The following COL5A1 variants were observed in gnomAD, a reference collection of about 807,000 sequenced individuals.
COL5A1 encodes the protein collagen type V alpha 1 chain.
Under a neutral mutation model 263.7 loss-of-function variants are expected in COL5A1, and 16 were observed. The observed-to-expected ratio is 0.06, with a 90% confidence interval of 0.04 to 0.09. The LOEUF is 0.09. COL5A1 is among the 10% of genes least tolerant of loss of function. COL5A1 has a pLI of 1.00. For missense variants in COL5A1, 2,036 were observed against 2,540.5 expected (o/e 0.80, Z 4.27); for synonymous variants, 1,012 against 1,004.5 (o/e 1.01, Z -0.14).
At position 134,809,253 on chromosome 9, in the gene COL5A1, C is replaced by A; in HGVS notation, c.3437C>A (p.Ala1146Asp). 3 of 1,608,944 alleles carry A rather than the reference C, an allele frequency of 1.9e-6. No homozygotes were observed. The highest frequency in any genetic ancestry group is 2.5e-6 in the Non-Finnish European group (3 of 1,178,166). Residue 1146 changes from alanine to aspartate, a missense_variant, in exon 43 of 66, where the codon GCT (alanine) becomes GAT (aspartate). Physicochemically the swap from Ala to Asp is moderately radical, Grantham distance 126. Coordinates refer to ENST00000371817, the MANE Select transcript of COL5A1 (RefSeq NM_000093.5). ...GGGCCTGTGGGGCTCCCGGGTCCAG[C>A]TGGCCCTGTGGGTCCCCCTGGAGAA... is the stretch of plus-strand genomic sequence containing the variant. Reference protein sequence around the residue: ...LQGPVGLPGPAGPVGPPGEDG... With the variant: ...LQGPVGLPGPDGPVGPPGEDG...
At chr9:134,688,333 G>A (rs1227111060) in intron 1 of COL5A1, among the ~76,000 whole-genome samples, 2 of 152,150 alleles carry the variant, frequency 1.3e-5, no homozygotes, top group African/African-American at 2.4e-5. Context: ...CCCCTGCCCC[G>A]GCCGCTGCCA....
intron 64 of COL5A1, chr9:134,830,298 C>CTT (rs1839554318): frequency 1.0e-6 from 1 of 963,006 alleles, no homozygotes; most frequent in Non-Finnish European, 1.6e-6. Context: ...AACCGCTCCA[C>CTT]ATCACGTGAC....
intron 32 of COL5A1, among the ~76,000 whole-genome samples, chr9:134,790,605 C>CCCAT (rs58733002): frequency 0.18 from 15,393 of 84,210 alleles, 1,719 homozygotes; most frequent in East Asian, 0.25. Flanking sequence ...CATCCACCCA[C>CCCAT]CCATCCATCC....
chr9:134,665,398 G>T (rs912122460), intron 1 of COL5A1, among the ~76,000 whole-genome samples: 1 of 152,190 alleles, frequency 6.6e-6, no homozygotes, highest in Non-Finnish European at 1.5e-5. Context: ...CATTTGCTGA[G>T]GTACACCAAT....
chr9:134,808,748 G>T (rs1486974576), intron 42 of COL5A1, among the ~76,000 whole-genome samples: 1 of 152,214 alleles, frequency 6.6e-6, no homozygotes, highest in African/African-American at 2.4e-5. Flanking sequence ...GTGTGTGCAG[G>T]GAGAGTGTCT....
At chr9:134,802,734 G>A (rs1838157971) in intron 38 of COL5A1, among the ~76,000 whole-genome samples, 154 bp from the exon 39 acceptor site, 1 of 152,214 alleles carries the variant, frequency 6.6e-6, no homozygotes, top group African/African-American at 2.4e-5. Flanking sequence ...ATTTTTGCCG[G>A]GAAGAGAAGG....
intron 1 of COL5A1, among the ~76,000 whole-genome samples, chr9:134,673,489 A>G (rs1308300115): frequency 6.6e-6 from 1 of 152,008 alleles, no homozygotes; most frequent in Non-Finnish European, 1.5e-5. Context: ...CTAAGATACA[A>G]TGGTGCTGAA....
intron 2 of COL5A1, among the ~76,000 whole-genome samples, chr9:134,692,527 G>C (rs1833321794): frequency 6.6e-6 from 1 of 152,198 alleles, no homozygotes; most frequent in South Asian, 2.1e-4. Context: ...GGCTGGTCCA[G>C]GGAAGGGCTT....
At chr9:134,672,855 G>A (rs779438634) in intron 1 of COL5A1, among the ~76,000 whole-genome samples, 3 of 152,094 alleles carry the variant, frequency 2.0e-5, no homozygotes, top group Admixed American at 6.5e-5. Context: ...AAAATTCATT[G>A]TATTTCTAGA....
rs1163816134 is a variant in COL5A1, at chr9:134,742,443, C to T, written c.1494+3635C>T. ...GTCCGGGTGGAGAAGGGGCTCGAACCATCATCCCATCCAGTTTCCCTCAGG... is the reference window on the plus strand; with the variant it reads ...GTCCGGGTGGAGAAGGGGCTCGAACTATCATCCCATCCAGTTTCCCTCAGG... On this transcript the variant is annotated intron_variant, in intron 11 of 65. Transcript: ENST00000371817. This position sits in a 1 kb window ranked among gnomAD's most constrained non-coding sequence, Gnocchi z 4.6. 1.3e-5 allele frequency among the ~76,000 whole-genome samples: 2 copies of T among 151,928 alleles called. No individual in the cohort carries two copies. The highest frequency in any genetic ancestry group is 4.8e-5 in the African/African-American group (2 of 41,342).
chr9:134,738,935 C>A, intron 11 of COL5A1, 127 bp downstream of exon 11: 1 of 779,798 alleles, frequency 1.3e-6, no homozygotes, highest in Admixed American at 1.9e-5. Context: ...TTCAAATCCC[C>A]CCTCACCCAG....
rs910477271 is a variant in COL5A1, at chr9:134,757,547, G to C, written c.1882-696G>C. 7.2e-5 allele frequency among the ~76,000 whole-genome samples: 11 copies of C among 152,202 alleles called. No individual in the cohort carries two copies. Among genetic ancestry groups the C allele is most frequent in the Non-Finnish European group, 1.5e-5 (1 of 68,036 alleles). On this transcript the variant is annotated intron_variant, in intron 17 of 65. Coordinates refer to ENST00000371817, the MANE Select transcript of COL5A1 (RefSeq NM_000093.5). The surrounding 1 kb of genome is among the most constrained non-coding windows in gnomAD (Gnocchi z 6.2). ...CTCTTAACGGGCGTGGATGAGCTCT[G>C]AAGTGCATCCCGTCAGTCCCAAGCT...
chr9:134,778,097 G>A (rs1053173857), intron 27 of COL5A1, among the ~76,000 whole-genome samples: 1 of 152,270 alleles, frequency 6.6e-6, no homozygotes, highest in African/African-American at 2.4e-5. Context: ...CTGAGGCGAT[G>A]CCACGCCGTG....
intron 11 of COL5A1, among the ~76,000 whole-genome samples, chr9:134,745,221 T>C (rs769224673): frequency 6.6e-6 from 1 of 152,210 alleles, no homozygotes; most frequent in Non-Finnish European, 1.5e-5. Flanking sequence ...TGAAGATTCA[T>C]TGGAGGGTAT....
intron 1 of COL5A1, among the ~76,000 whole-genome samples, chr9:134,685,127 C>A (rs1832983240): frequency 3.6e-4 from 1 of 2,794 alleles, no homozygotes; most frequent in Non-Finnish European, 7.6e-4. Context: ...TCCATCCATC[C>A]ATCCATCCAT....
chr9:134,786,073 C>T (rs778602655), intron 31 of COL5A1, 25 bp downstream of exon 31: 12 of 1,601,038 alleles, frequency 7.5e-6, no homozygotes, highest in Non-Finnish European at 1.0e-5. Context: ...TGTTAGGTGT[C>T]CCGGGACAGG....
intron 2 of COL5A1, among the ~76,000 whole-genome samples, chr9:134,699,471 C>T (rs375990153): frequency 2.0e-5 from 3 of 147,916 alleles, no homozygotes; most frequent in East Asian, 4.2e-4. Context: ...CTCTCTCCCT[C>T]CCTCCCCCTC....
chr9:134,729,579 T>A (rs1434215724), intron 6 of COL5A1, among the ~76,000 whole-genome samples: 159 of 91,436 alleles, frequency 1.7e-3, no homozygotes, highest in Middle Eastern at 7.2e-3. Flanking sequence ...TGAGCGTGTG[T>A]GAGCGTGTGT....
At position 134,812,457 on chromosome 9, in the gene COL5A1, A is replaced by G. The variant is rs534962289; in HGVS notation, c.3699A>G (p.Pro1233=). Residue 1233 remains proline (P), a synonymous_variant, in exon 47 of 66, where the codon CCA becomes CCG. Transcript: ENST00000371817. ...PPGPVGLQGL[P]GPPGEKGETG... ...AAGTTTCCTGTTCTCAGGGTTTGCCAGGACCTCCAGGCGAGAAGGGTGAGA... is the reference window on the plus strand; with the variant it reads ...AAGTTTCCTGTTCTCAGGGTTTGCCGGGACCTCCAGGCGAGAAGGGTGAGA... 3 of 1,614,086 alleles carry G rather than the reference A, an allele frequency of 1.9e-6. No homozygotes were observed. The highest frequency in any genetic ancestry group is 1.7e-5 in the Admixed American group (1 of 60,020).
Sources: allele counts gnomAD v4.1 joint callset (sites outside exome capture counted in the v4.1 genomes callset), GRCh38; gene constraint gnomAD v4.1.1; non-coding constraint Gnocchi (gnomAD v3.1); transcripts MANE v1.5; gene names NCBI Gene and HGNC (gene_info 2026-07-23, HGNC 2026-07-21).